The following ABCA8 variants were observed in gnomAD, a reference collection of about 807,000 sequenced individuals.
ABCA8 encodes the protein ABC-type organic anion transporter ABCA8.
ABCA8 carries 177 observed loss-of-function variants against 192.3 expected under a neutral mutation model. That is an observed-to-expected ratio of 0.92 (90% CI 0.81 to 1.04). ABCA8 has a LOEUF of 1.04. Among genes scored for constraint, ABCA8 ranks in the 50% least tolerant of loss-of-function variants. ABCA8 has a pLI of 0.00. For synonymous variants in ABCA8, 642 were observed against 690.2 expected, an observed-to-expected ratio of 0.93 and a Z score of 1.09; for missense variants, 1,915 against 1,904.8, an observed-to-expected ratio of 1.01 and a Z score of -0.10.
At chr17:68,930,713 G>T (rs1336776260) in intron 7 of ABCA8, among the ~76,000 whole-genome samples, 1 of 151,980 alleles carries the variant, frequency 6.6e-6, no homozygotes, top group African/African-American at 2.4e-5. Context: ...CAAGTTCAGG[G>T]GTTTTGGCTC....
intron 1 of ABCA8, among the ~76,000 whole-genome samples, chr17:68,949,971 G>T (rs1394937095): frequency 1.3e-5 from 2 of 151,844 alleles, no homozygotes; most frequent in Non-Finnish European, 2.9e-5. Context: ...AAGAAATAAA[G>T]GTATTCAAAT....
At chr17:68,875,822 G>A in intron 35 of ABCA8, 89 bp from the exon 36 acceptor site, 1 of 1,427,894 alleles carries the variant, frequency 7.0e-7, no homozygotes, top group Non-Finnish European at 9.5e-7. Flanking sequence ...TGGCATGCGT[G>A]TGAATAATTA....
rs779872443 is a variant in ABCA8 at position 68,881,924 on chromosome 17, GCCTTTCCTCTTC to G, written c.3873_3884del (p.Lys1292_Gly1295del). 3.7e-6 allele frequency: 6 copies of G among 1,614,008 alleles called. No individual in the cohort carries two copies. Among genetic ancestry groups the G allele is most frequent in the Non-Finnish European group, 5.1e-6 (6 of 1,179,994 alleles). ...TCTTATTCTTCCTCTTGGAAAAACA[GCCTTTCCTCTTC>G]CCTGCATACTCCTTGCGTAGACAGC... On this transcript the variant is annotated inframe_deletion, in exon 31 of 40. Transcript: ENST00000586539.
In ABCA8 at chr17:68,887,360, T is replaced by C; in HGVS notation, c.3291A>G (p.Leu1097=). 1 of 1,609,346 alleles carries C rather than the reference T, an allele frequency of 6.2e-7. No individual in the cohort carries two copies. Among genetic ancestry groups the C allele is most frequent in the Non-Finnish European group, 8.5e-7 (1 of 1,176,886 alleles). ...CTTGAATAATATGAATTATTGTAAG[T>C]AGCATGTCTTCGAAGTTTGAAATGT... ...MSYISNFEDM[L]LTIIHIIQIP... Residue 1097 remains leucine (L), a synonymous_variant, in exon 25 of 40, where the codon CTA becomes CTG. Coordinates refer to ENST00000586539, the MANE Select transcript of ABCA8 (RefSeq NM_001288985.2).
intron 24 of ABCA8, 21 bp downstream of exon 24, chr17:68,891,468 G>A (rs2066619014): frequency 6.6e-7 from 1 of 1,517,588 alleles, no homozygotes; most frequent in Non-Finnish European, 9.1e-7. Flanking sequence ...AATAATGGAA[G>A]TTGCAATTAC....
intron 7 of ABCA8, chr17:68,932,037 C>T: frequency 1.4e-5 from 4 of 294,358 alleles, no homozygotes; most frequent in East Asian, 6.1e-5. Flanking sequence ...GGTGAAACCC[C>T]GTCTCTACAG....
intron 26 of ABCA8, among the ~76,000 whole-genome samples, chr17:68,885,794 C>T (rs2066444073): frequency 6.6e-6 from 1 of 152,104 alleles, no homozygotes; most frequent in Non-Finnish European, 1.5e-5. Flanking sequence ...AAGTGATCCA[C>T]TGACCTAGGC....
At chr17:68,932,738 T>C (rs1462789169) in intron 6 of ABCA8, among the ~76,000 whole-genome samples, 1 of 152,242 alleles carries the variant, frequency 6.6e-6, no homozygotes, top group Non-Finnish European at 1.5e-5. Flanking sequence ...ATTACCTCCC[T>C]GCCTAACATT....
At chr17:68,940,547 T>C (rs1401136639) in intron 4 of ABCA8, among the ~76,000 whole-genome samples, 1 of 152,138 alleles carries the variant, frequency 6.6e-6, no homozygotes, top group Non-Finnish European at 1.5e-5. Context: ...CCCCAAATGG[T>C]AAACCCTTGT....
Position 68,903,476 on chromosome 17 carries a change from G to C in ABCA8, c.2422C>G (p.Gln808Glu). Residue 808 changes from glutamine (Q) to glutamate (E), a missense_variant, in exon 20 of 40, where the codon CAA becomes GAA. Physicochemically the swap from Gln to Glu is conservative, Grantham distance 29. Coordinates refer to ENST00000586539, the MANE Select transcript of ABCA8 (RefSeq NM_001288985.2). ...TCAGTGTCGTCAGCTTTTTCCGCTTGTACTTCTCCCAAAATAGCAATGTCT... is the reference window on the plus strand; with the variant it reads ...TCAGTGTCGTCAGCTTTTTCCGCTTCTACTTCTCCCAAAATAGCAATGTCT... ...ESDIAILGEV[Q>E]AEKADDTERL... The C allele has an allele frequency of 6.2e-7, 1 of 1,614,018 alleles. No homozygotes were observed. The highest frequency in any genetic ancestry group is 2.2e-5 in the East Asian group (1 of 44,860).
In ABCA8 at chr17:68,919,553, G is replaced by GT. The variant is rs1281018452; in HGVS notation, c.1613-78dup. Reference sequence around the variant, plus strand: ...TAAAATCGCTGTTAATTAAATGTACGTATGACTTTATCTTGACAGTTTATA... The same window carrying GT: ...TAAAATCGCTGTTAATTAAATGTACGTTATGACTTTATCTTGACAGTTTATA... On this transcript the variant is annotated intron_variant, in intron 13 of 39. Coordinates refer to ENST00000586539, the MANE Select transcript of ABCA8 (RefSeq NM_001288985.2). The GT allele has an allele frequency of 2.4e-6, 3 of 1,272,932 alleles. No homozygotes were observed. The African/African-American group carries it at 4.5e-5, about 19-fold the overall frequency. 78.9% of individuals were successfully genotyped at this position (1,272,932 alleles called of 1,614,324 possible).
At position 68,894,227 on chromosome 17, in the gene ABCA8, A is replaced by T. The variant is rs1335264496; in HGVS notation, c.2982T>A (p.Leu994=). ...VLMDIVSNGL[L]GMVKPSVHIR... ...TATGTACTGATGGTTTAACCATTCC[A>T]AGTAGCCCATTACTAACAATGTCCA... The change falls in exon 23 of 40, where the codon CTT becomes CTA. Residue 994 remains leucine, a synonymous_variant. Transcript: ENST00000586539. The T allele has an allele frequency of 6.2e-7, 1 of 1,613,382 alleles. No homozygotes were observed. Among genetic ancestry groups the T allele is most frequent in the South Asian group, 1.1e-5 (1 of 91,052 alleles).
In ABCA8 at chr17:68,940,805, G is replaced by C. The variant is rs372233239; in HGVS notation, c.254C>G (p.Thr85Arg). ...FSVVYTPVTN[T>R]TQQIMNKVAS... is the part of the protein sequence containing the mutation. ...TACTTTATTCATTATCTGTTGGGTC[G>C]TGTTGGTGACAGGTGTGTATACAAC... is the stretch of plus-strand genomic sequence containing the variant. The change falls in exon 4 of 40, where the codon ACG becomes AGG. Residue 85 changes from threonine to arginine, a missense_variant. Thr to Arg is a moderately conservative substitution (Grantham distance 71, BLOSUM62 -1). Coordinates refer to ENST00000586539, the MANE Select transcript of ABCA8 (RefSeq NM_001288985.2). 3.1e-6 allele frequency: 5 copies of C among 1,613,434 alleles called. No individual in the cohort carries two copies. The highest frequency in any genetic ancestry group is 2.7e-5 in the African/African-American group (2 of 74,886).
chr17:68,908,927 T>C (rs2067163946), intron 17 of ABCA8, among the ~76,000 whole-genome samples: 1 of 152,198 alleles, frequency 6.6e-6, no homozygotes. Flanking sequence ...CCCTTAAAAA[T>C]GGTAGCAATT....
At chr17:68,897,717 G>A (rs1412943270) in intron 21 of ABCA8, among the ~76,000 whole-genome samples, 1 of 152,090 alleles carries the variant, frequency 6.6e-6, no homozygotes, top group Admixed American at 6.6e-5. Flanking sequence ...TAATTGAAAT[G>A]AAAAATTCAC....
chr17:68,952,460 C>T (rs775163409), intron 1 of ABCA8, among the ~76,000 whole-genome samples: 57 of 152,072 alleles, frequency 3.7e-4, no homozygotes, highest in South Asian at 6.2e-4. Flanking sequence ...CCTTGTGATC[C>T]GCCTGTTGTT....
Position 68,914,625 on chromosome 17 carries a change from A to G in ABCA8, c.2138+2736T>C, listed in dbSNP as rs186456106. ...ATCTCTATAGTGAAAACCATAAAAC[A>G]TTGATGTAAGAAATTGAAGAGGACA... On this transcript the variant is annotated intron_variant, in intron 17 of 39. Coordinates refer to ENST00000586539, the MANE Select transcript of ABCA8 (RefSeq NM_001288985.2). 1.1e-3 allele frequency among the ~76,000 whole-genome samples: 172 copies of G among 152,270 alleles called. 1 individual carries two copies. Among genetic ancestry groups the G allele is most frequent in the Non-Finnish European group, 4.4e-5 (3 of 67,990 alleles).
rs1374527684 is a variant in ABCA8, at chr17:68,911,104, T to G, written c.2139-3225A>C. 6.6e-6 allele frequency among the ~76,000 whole-genome samples: 1 copy of G among 152,082 alleles called. No homozygotes were observed. The highest frequency in any genetic ancestry group is 2.4e-5 in the African/African-American group (1 of 41,408). On this transcript the variant is annotated intron_variant, in intron 17 of 39. Coordinates refer to ENST00000586539, the MANE Select transcript of ABCA8 (RefSeq NM_001288985.2). This position sits in a 1 kb window ranked among gnomAD's most constrained non-coding sequence, Gnocchi z 5.7. ...TTGTCTTGCAGCTTAGGTACCAGCT[T>G]AGCTACAGTGGAGTAGAGAGCACCA...
intron 19 of ABCA8, 105 bp downstream of exon 19, chr17:68,905,939 A>C (rs1460568539): frequency 7.4e-6 from 8 of 1,083,246 alleles, no homozygotes; most frequent in Non-Finnish European, 1.0e-5. Flanking sequence ...AGCTTGTCTA[A>C]GAAGAGCCTT....
Sources: gnomAD v4.1 joint callset for allele counts (sites outside exome capture counted in the v4.1 genomes callset) on GRCh38, gnomAD v4.1.1 for gene constraint, Gnocchi (gnomAD v3.1) non-coding constraint, MANE v1.5 for transcripts, NCBI Gene and HGNC (gene_info 2026-07-23, HGNC 2026-07-21) for gene names.